PLXDC2: variants seen among roughly 807,000 people sequenced by gnomAD.
PLXDC2 encodes plexin domain-containing protein 2.
Under a neutral mutation model 68.9 loss-of-function variants are expected in PLXDC2, and 40 were observed. The observed-to-expected ratio is 0.58, with a 90% confidence interval of 0.45 to 0.76. PLXDC2 has a LOEUF of 0.76. PLXDC2 is among the 30% of genes least tolerant of loss of function. PLXDC2 has a pLI of 0.00. For synonymous variants in PLXDC2, 243 were observed against 234.2 expected (o/e 1.04, Z -0.34); for missense variants, 644 against 661.9 (o/e 0.97, Z 0.30).
intron 9 of PLXDC2, among the ~76,000 whole-genome samples, chr10:20,183,104 G>C (rs1455759864): frequency 6.6e-6 from 1 of 151,934 alleles, no homozygotes; most frequent in East Asian, 1.9e-4. Context: ...TAAAGACTAG[G>C]ATGAAAAGAA....
chr10:20,006,629 T>C (rs1425838205), intron 2 of PLXDC2, among the ~76,000 whole-genome samples: 2 of 152,152 alleles, frequency 1.3e-5, no homozygotes, highest in African/African-American at 4.8e-5. Context: ...CAATAGCATG[T>C]TTACTGTTTT....
intron 1 of PLXDC2, among the ~76,000 whole-genome samples, chr10:19,970,881 A>C (rs187571406): frequency 2.0e-5 from 3 of 152,262 alleles, no homozygotes; most frequent in Admixed American, 6.5e-5. Flanking sequence ...AAACAGTCCC[A>C]AGAAATCTAG....
At chr10:20,021,001 A>G (rs1169487803) in intron 2 of PLXDC2, among the ~76,000 whole-genome samples, 1 of 152,206 alleles carries the variant, frequency 6.6e-6, no homozygotes, top group East Asian at 1.9e-4. Context: ...TCCTGTCTGA[A>G]TAGCAAACAA....
intron 6 of PLXDC2, among the ~76,000 whole-genome samples, chr10:20,152,520 C>A (rs1212402873): frequency 6.6e-6 from 1 of 152,094 alleles, no homozygotes; most frequent in East Asian, 1.9e-4. Context: ...GCTTAGAAAT[C>A]AGCCAAAATA....
At chr10:20,254,047 G>A (rs748947369) in intron 13 of PLXDC2, among the ~76,000 whole-genome samples, 42 of 152,112 alleles carry the variant, frequency 2.8e-4, no homozygotes, top group Non-Finnish European at 5.0e-4. Context: ...TATGGCACCC[G>A]GTTACAGAGC....
intron 1 of PLXDC2, among the ~76,000 whole-genome samples, chr10:19,841,080 A>C (rs1201968982): frequency 1.3e-5 from 2 of 152,182 alleles, no homozygotes; most frequent in Non-Finnish European, 2.9e-5. Flanking sequence ...ACATTTGAGC[A>C]TTTTTGATTA....
At chr10:19,995,209 C>T (rs1186586715) in intron 1 of PLXDC2, among the ~76,000 whole-genome samples, 1 of 152,082 alleles carries the variant, frequency 6.6e-6, no homozygotes, top group Non-Finnish European at 1.5e-5. Flanking sequence ...TGGTGAGATT[C>T]ACAAGACTCA....
intron 1 of PLXDC2, among the ~76,000 whole-genome samples, chr10:19,951,787 C>T (rs1469878648): frequency 3.3e-5 from 5 of 152,162 alleles, no homozygotes; most frequent in Admixed American, 6.5e-5. Context: ...AAATGTGAGA[C>T]ATAAACACCA....
chr10:19,948,448 T>TTTGA (rs1411462712), intron 1 of PLXDC2, among the ~76,000 whole-genome samples: 4 of 151,532 alleles, frequency 2.6e-5, no homozygotes, highest in African/African-American at 9.7e-5. Flanking sequence ...TAAGAATGAT[T>TTTGA]TTGATCTTCC....
chr10:20,139,337 G>T (rs1833971489), intron 4 of PLXDC2, among the ~76,000 whole-genome samples: 1 of 152,216 alleles, frequency 6.6e-6, no homozygotes, highest in East Asian at 1.9e-4. Context: ...TCTTTTAAAT[G>T]AAGGTGTCTT....
chr10:19,851,022 G>A (rs2131326160), intron 1 of PLXDC2, among the ~76,000 whole-genome samples: 1 of 152,264 alleles, frequency 6.6e-6, no homozygotes, highest in East Asian at 1.9e-4. Flanking sequence ...TGCTTTTGAA[G>A]TGTTCAAAAT....
chr10:20,198,175 G>C (rs530458817), intron 9 of PLXDC2, among the ~76,000 whole-genome samples: 1 of 152,238 alleles, frequency 6.6e-6, no homozygotes, highest in African/African-American at 2.4e-5. Context: ...GAGGGTAAAA[G>C]GGAATATGGT....
chr10:20,201,068 T>A (rs550681547), intron 9 of PLXDC2, among the ~76,000 whole-genome samples: 24 of 152,132 alleles, frequency 1.6e-4, no homozygotes, highest in Admixed American at 7.9e-4. Flanking sequence ...TAAAGAGACA[T>A]CTCCACTCCC....
chr10:20,164,366 C>A, intron 6 of PLXDC2, 102 bp from the exon 7 acceptor site: 1 of 953,400 alleles, frequency 1.0e-6, no homozygotes, highest in Non-Finnish European at 1.6e-6. Flanking sequence ...TCTTTTATCT[C>A]CTTCCCATGG....
At chr10:19,914,105 G>C (rs1420922594) in intron 1 of PLXDC2, among the ~76,000 whole-genome samples, 1 of 149,618 alleles carries the variant, frequency 6.7e-6, no homozygotes, top group Non-Finnish European at 1.5e-5. Flanking sequence ...GAGGGAAGAA[G>C]GGAGGGAGGT....
intron 4 of PLXDC2, among the ~76,000 whole-genome samples, chr10:20,070,391 T>C (rs1011939172): frequency 1.3e-5 from 2 of 152,202 alleles, no homozygotes; most frequent in African/African-American, 4.8e-5. Flanking sequence ...TGGTACCAAA[T>C]ACAGAGTCAA....
intron 4 of PLXDC2, among the ~76,000 whole-genome samples, chr10:20,131,990 A>C (rs1833873894): frequency 6.6e-6 from 1 of 152,086 alleles, no homozygotes. Flanking sequence ...ATTGCTATAA[A>C]CTTACCCCTT....
intron 4 of PLXDC2, among the ~76,000 whole-genome samples, chr10:20,128,255 C>T (rs1249895752): frequency 6.6e-6 from 1 of 152,178 alleles, no homozygotes; most frequent in Non-Finnish European, 1.5e-5. Flanking sequence ...ACAACAGGAT[C>T]TCCATATCTT....
Position 20,057,996 on chromosome 10 carries a change from AT to A in PLXDC2, c.472-10165del, listed in dbSNP as rs556942140. On this transcript the variant is annotated intron_variant, in intron 3 of 13. Transcript: ENST00000377252. ...CTTTCATTTGGGATGATTTCCAATA[AT>A]TTTTTTTTAAAAAAAGAGAAGTTAG... Among the ~76,000 whole-genome samples the A allele has an allele frequency of 8.7e-3, 1,323 of 151,774 alleles. 7 individuals carry two copies. Among genetic ancestry groups the A allele is most frequent in the South Asian group, 0.014 (66 of 4,792 alleles).
Sources: allele counts gnomAD v4.1 joint callset (sites outside exome capture counted in the v4.1 genomes callset), GRCh38; gene constraint gnomAD v4.1.1; transcripts MANE v1.5; gene names NCBI Gene and HGNC (gene_info 2026-07-23, HGNC 2026-07-21).